ZNF682: variants seen among roughly 807,000 people sequenced by gnomAD.
The protein encoded by ZNF682 is zinc finger protein 682.
Under a neutral mutation model 36.5 loss-of-function variants are expected in ZNF682, and 29 were observed. The ratio of observed to expected loss-of-function variants is 0.80; its 90% CI spans 0.59 to 1.08. The LOEUF is 1.08. Ranked by LOEUF, ZNF682 falls within the 50% of genes least tolerant of loss-of-function variation. The probability of loss-of-function intolerance (pLI) is 0.00; values close to 1 mark genes in which losing one functional copy is unlikely to be tolerated. For synonymous variants in ZNF682, 180 were observed against 197.0 expected (o/e 0.91, Z 0.72); for missense variants, 561 against 579.7 (o/e 0.97, Z 0.33).
At chr19:20,018,036 T>A (rs1172739224) in intron 3 of ZNF682, among the ~76,000 whole-genome samples, 2 of 151,520 alleles carry the variant, frequency 1.3e-5, no homozygotes, top group Non-Finnish European at 2.9e-5. Flanking sequence ...TGGTAGTTTT[T>A]ATTTTTTTTT....
chr19:19,995,417 G>A (rs559740386), downstream of ZNF682, among the ~76,000 whole-genome samples: 129 of 152,150 alleles, frequency 8.5e-4, no homozygotes, highest in African/African-American at 3.1e-3. Flanking sequence ...TTTGTAATGA[G>A]TTTTTTGGCA....
chr19:20,021,131 CTCA>C (rs1349524310), intron 3 of ZNF682, among the ~76,000 whole-genome samples: 1 of 152,124 alleles, frequency 6.6e-6, no homozygotes, highest in African/African-American at 2.4e-5. Flanking sequence ...TTAAAAAAAT[CTCA>C]TGTTTAAAGA....
intron 1 of ZNF682, among the ~76,000 whole-genome samples, chr19:20,026,640 GT>G (rs1476045031): frequency 2.6e-5 from 4 of 152,084 alleles, no homozygotes; most frequent in Admixed American, 2.6e-4. Context: ...AATTTTTTGG[GT>G]TTTTAGTAGA....
chr19:20,007,433 T>G (rs1442688618), intron 3 of ZNF682, 158 bp from the exon 4 acceptor site: 2 of 623,854 alleles, frequency 3.2e-6, no homozygotes, highest in East Asian at 5.6e-5. Context: ...AAATGTTGAG[T>G]AAAACATCAT....
intron 3 of ZNF682, among the ~76,000 whole-genome samples, chr19:20,022,026 T>G (rs1046470090): frequency 2.0e-5 from 3 of 151,668 alleles, no homozygotes; most frequent in African/African-American, 7.3e-5. Flanking sequence ...AAAAAGTAGC[T>G]GGGCATGGTG....
At chr19:20,021,947 G>A (rs926100604) in intron 3 of ZNF682, among the ~76,000 whole-genome samples, 2 of 151,958 alleles carry the variant, frequency 1.3e-5, no homozygotes, top group South Asian at 4.1e-4. Flanking sequence ...GAGGCGGGTG[G>A]ATCACCTGAG....
At position 19,999,251 on chromosome 19, in the gene ZNF682, T is replaced by G. The variant is rs571136809; in HGVS notation, c.227-1988A>C. On this transcript the variant is annotated intron_variant, in intron 3 of 3. Coordinates refer to the ZNF682 transcript ENST00000596019. ...GGTTCTTTGGTATGGCAGCCTGAACTGCGACAAAAATGATACCCTATCATT... is the reference window on the plus strand; with the variant it reads ...GGTTCTTTGGTATGGCAGCCTGAACGGCGACAAAAATGATACCCTATCATT... Among the ~76,000 whole-genome samples, 13 of 152,312 alleles carry G rather than the reference T, an allele frequency of 8.5e-5. No individual in the cohort carries two copies. In the East Asian group the frequency reaches 2.3e-3, roughly 27 times the overall value.
intron 2 of ZNF682, 75 bp downstream of exon 2, chr19:20,024,175 C>T: frequency 6.4e-7 from 1 of 1,558,662 alleles, no homozygotes; most frequent in South Asian, 1.1e-5. Context: ...CAGAAATCCC[C>T]ACCAAACATT....
chr19:20,030,390 T>C (rs750042390), intron 1 of ZNF682, among the ~76,000 whole-genome samples: 1 of 152,016 alleles, frequency 6.6e-6, no homozygotes. Context: ...GCCAATATGG[T>C]GAAATCCCAT....
chr19:20,035,009 TA>T (rs1379529627), intron 1 of ZNF682, among the ~76,000 whole-genome samples: 3 of 7,172 alleles, frequency 4.2e-4, no homozygotes, highest in Non-Finnish European at 1.1e-3. Context: ...GGTATGAGAA[TA>T]TCGCTTGAAC....
At chr19:20,018,159 T>C (rs953983736) in intron 3 of ZNF682, among the ~76,000 whole-genome samples, 11 of 127,286 alleles carry the variant, frequency 8.6e-5, no homozygotes, top group Non-Finnish European at 1.8e-4. Context: ...AGTGGCGGGA[T>C]CTCGGCTCAC....
At chr19:20,009,715 GT>G (rs1247174501) in intron 3 of ZNF682, among the ~76,000 whole-genome samples, 3 of 152,172 alleles carry the variant, frequency 2.0e-5, no homozygotes, top group Non-Finnish European at 2.9e-5. Context: ...TTAGGGGCCT[GT>G]TTTTAACATT....
intron 1 of ZNF682, among the ~76,000 whole-genome samples, chr19:20,037,925 A>G (rs1179646599): frequency 2.0e-5 from 3 of 152,040 alleles, no homozygotes; most frequent in African/African-American, 7.2e-5. Flanking sequence ...TGCACCAACC[A>G]CTCCACAGAG....
Position 20,039,485 on chromosome 19 carries a change from T to G in ZNF682, c.-140A>C. 1 of 1,193,908 alleles carries G rather than the reference T, an allele frequency of 8.4e-7. No individual in the cohort carries two copies. Among genetic ancestry groups the G allele is most frequent in the African/African-American group, 1.5e-5 (1 of 66,214 alleles). The allele number at this position is 1,193,908 out of a possible 1,614,324, so 74.0% of individuals were successfully genotyped here. A position where few individuals can be genotyped will look rare whatever the true frequency, so the allele number is the denominator to read the frequency against. ...AGCAATGAAGATGGACCCTGAGCTC[T>G]GGCTGGAGCGAGACAAAGGCCCCGC... On this transcript the variant is annotated 5_prime_UTR_variant, in exon 1 of 4. Transcript: ENST00000397165.
intron 3 of ZNF682, among the ~76,000 whole-genome samples, chr19:20,013,858 G>A (rs1278343768): frequency 1.3e-5 from 2 of 152,216 alleles, no homozygotes; most frequent in Non-Finnish European, 2.9e-5. Flanking sequence ...GGGATTGCAG[G>A]TGTGAGCCAC....
At chr19:20,017,602 C>T (rs1052450986) in intron 3 of ZNF682, among the ~76,000 whole-genome samples, 3 of 151,928 alleles carry the variant, frequency 2.0e-5, no homozygotes, top group African/African-American at 7.3e-5. Flanking sequence ...TACACAGCAG[C>T]ACAATAATTA....
At chr19:20,018,385 C>T (rs1325012542) in intron 3 of ZNF682, among the ~76,000 whole-genome samples, 1 of 152,100 alleles carries the variant, frequency 6.6e-6, no homozygotes, top group Non-Finnish European at 1.5e-5. Context: ...TGAGCCACCG[C>T]GCCCAGCCTC....
intron 3 of ZNF682, chr19:20,015,073 A>C (rs1008529577): frequency 4.6e-5 from 21 of 454,888 alleles, no homozygotes; most frequent in African/African-American, 3.8e-4. Context: ...GAACTGTGTA[A>C]CTGAAAATAT....
At chr19:20,012,786 A>AAG (rs1491045353) in intron 3 of ZNF682, among the ~76,000 whole-genome samples, 48 of 140,574 alleles carry the variant, frequency 3.4e-4, no homozygotes, top group African/African-American at 1.2e-3. Flanking sequence ...AAAAAAAAAA[A>AAG]GAAATTTAAA....
Sources: allele counts gnomAD v4.1 joint callset (sites outside exome capture counted in the v4.1 genomes callset), GRCh38; gene constraint gnomAD v4.1.1; transcripts MANE v1.5; gene names NCBI Gene and HGNC (gene_info 2026-07-23, HGNC 2026-07-21).